Variants in KIAA1549L observed in about 807,000 individuals in gnomAD.
KIAA1549L encodes the protein UPF0606 protein KIAA1549L.
KIAA1549L carries 88 observed loss-of-function variants against 160.7 expected under a neutral mutation model. The ratio of observed to expected loss-of-function variants is 0.55; its 90% CI spans 0.46 to 0.65. KIAA1549L has a LOEUF of 0.65. Among genes scored for constraint, KIAA1549L ranks in the 30% least tolerant of loss-of-function variants. The pLI is 0.00. For synonymous variants in KIAA1549L, 950 were observed against 976.7 expected (o/e 0.97, Z 0.51); for missense variants, 2,258 against 2,437.5 (o/e 0.93, Z 1.55).
At chr11:33,618,349 GA>G (rs58112331) in intron 15 of KIAA1549L, among the ~76,000 whole-genome samples, 183 bp from the exon 16 acceptor site, 15,362 of 148,144 alleles carry the variant, frequency 0.1, 1,427 homozygotes, top group African/African-American at 0.24. Flanking sequence ...ACAGCATCTG[GA>G]AAAAAAAAAA....
Position 33,544,110 on chromosome 11 carries a change from A to G in KIAA1549L, c.2547A>G (p.Pro849=), listed in dbSNP as rs1203153579. The part of the protein sequence containing the change: ...QPAHPLLLTS[P]GPTSTGSLQE... ...CACATCCTCTTTTGCTAACCTCACCAGGACCAACTTCTACAGGTAGCTTGC... is the reference window on the plus strand; with the variant it reads ...CACATCCTCTTTTGCTAACCTCACCGGGACCAACTTCTACAGGTAGCTTGC... The change falls in exon 2 of 21, where the codon CCA becomes CCG. Residue 849 remains proline, a synonymous_variant. Transcript: ENST00000658780. 1 of 1,614,002 alleles carries G rather than the reference A, an allele frequency of 6.2e-7. No homozygotes were observed. The highest frequency in any genetic ancestry group is 1.3e-5 in the African/African-American group (1 of 75,034).
intron 1 of KIAA1549L, among the ~76,000 whole-genome samples, chr11:33,442,213 C>A (rs1266998129): frequency 6.6e-6 from 1 of 152,138 alleles, no homozygotes; most frequent in African/African-American, 2.4e-5. Context: ...TCAGGTTTGT[C>A]AAAGGTCAGA....
Position 33,592,119 on chromosome 11 carries a change from G to A in KIAA1549L, c.4751+698G>A, listed in dbSNP as rs181552762. ...TCTAAAAAGAGTGGGGAGAGAAAAG[G>A]GACAGGTTTGTTCTCTAAATGGTGA... On this transcript the variant is annotated intron_variant, in intron 12 of 20. Coordinates refer to ENST00000658780, the MANE Select transcript of KIAA1549L (RefSeq NM_012194.3). Among the ~76,000 whole-genome samples, 771 of 152,322 alleles carry A rather than the reference G, an allele frequency of 5.1e-3. 3 individuals are homozygous for A. Among genetic ancestry groups the A allele is most frequent in the African/African-American group, 0.018 (749 of 41,564 alleles).
intron 14 of KIAA1549L, among the ~76,000 whole-genome samples, chr11:33,607,674 G>A (rs16924480): frequency 0.035 from 5,320 of 152,222 alleles, 324 homozygotes; most frequent in African/African-American, 0.12. Context: ...ACCTGCAAGA[G>A]GTGGGAGATT....
At chr11:33,508,023 T>C (rs999281398) in intron 1 of KIAA1549L, among the ~76,000 whole-genome samples, 1 of 152,210 alleles carries the variant, frequency 6.6e-6, no homozygotes, top group African/African-American at 2.4e-5. Context: ...CTCTGCATAA[T>C]CATGAGGCTG....
intron 11 of KIAA1549L, among the ~76,000 whole-genome samples, chr11:33,588,497 G>A (rs976495628): frequency 6.6e-6 from 1 of 152,110 alleles, no homozygotes; most frequent in Non-Finnish European, 1.5e-5. Context: ...GGGGAGGCCT[G>A]GAAAGGAGCT....
chr11:33,447,695 A>G (rs1565141431), intron 1 of KIAA1549L, among the ~76,000 whole-genome samples: 1 of 151,744 alleles, frequency 6.6e-6, no homozygotes, highest in Non-Finnish European at 1.5e-5. Flanking sequence ...ATTAATTACT[A>G]CCTGGCATTA....
Position 33,574,743 on chromosome 11 carries a change from G to T in KIAA1549L, c.4272G>T (p.Ala1424=). The T allele has an allele frequency of 6.2e-7, 1 of 1,613,754 alleles. No homozygotes were observed. Among genetic ancestry groups the T allele is most frequent in the South Asian group, 1.1e-5 (1 of 91,034 alleles). The change falls in exon 10 of 21, where the codon GCG becomes GCT. Residue 1424 remains alanine (A), a synonymous_variant. Transcript: ENST00000658780. ...GTGTCCCAGGCCCGAAGGACCCAGCGGAGCTGACTTACTATACCCTGTACA... is the reference window on the plus strand; with the variant it reads ...GTGTCCCAGGCCCGAAGGACCCAGCTGAGCTGACTTACTATACCCTGTACA... The part of the protein sequence containing the change: ...MQRVPGPKDP[A]ELTYYTLYNG...
chr11:33,388,808 C>T (rs1215982259), intron 1 of KIAA1549L, among the ~76,000 whole-genome samples: 2 of 152,186 alleles, frequency 1.3e-5, no homozygotes, highest in African/African-American at 2.4e-5. Context: ...TCCCTGGCTT[C>T]CTTCTCTAGA....
At chr11:33,440,763 A>G (rs1851484963) in intron 1 of KIAA1549L, among the ~76,000 whole-genome samples, 2 of 152,168 alleles carry the variant, frequency 1.3e-5, no homozygotes, top group African/African-American at 4.8e-5. Context: ...TTTTCTGAGC[A>G]TATCCCTTAA....
rs71034691 is a variant in KIAA1549L at position 33,462,772 on chromosome 11, ATT to A, written c.239-79019_239-79018del. Among the ~76,000 whole-genome samples the A allele has an allele frequency of 2.4e-3, 356 of 146,610 alleles. 3 individuals are homozygous for A. Among genetic ancestry groups the A allele is most frequent in the African/African-American group, 8.5e-3 (339 of 39,924 alleles). On this transcript the variant is annotated intron_variant, in intron 1 of 20. Coordinates refer to ENST00000658780, the MANE Select transcript of KIAA1549L (RefSeq NM_012194.3). ...ATGTTTCCTTGATTCTTAGCTGCAC[ATT>A]TTTTTTTTTTATTTTAACATCTCCG... is the stretch of plus-strand genomic sequence containing the variant.
chr11:33,413,130 G>A (rs1367693590), intron 1 of KIAA1549L, among the ~76,000 whole-genome samples: 1 of 152,146 alleles, frequency 6.6e-6, no homozygotes, highest in Admixed American at 6.5e-5. Context: ...GGGAAATGCT[G>A]CATCAGATAC....
chr11:33,446,067 A>G (rs1172396630), intron 1 of KIAA1549L, among the ~76,000 whole-genome samples: 2 of 149,308 alleles, frequency 1.3e-5, no homozygotes, highest in East Asian at 2.0e-4. Flanking sequence ...GGTATTAGGG[A>G]TTGTGGACAT....
chr11:33,566,485 C>CT (rs1855053368), intron 8 of KIAA1549L, among the ~76,000 whole-genome samples: 1 of 152,160 alleles, frequency 6.6e-6, no homozygotes, highest in Non-Finnish European at 1.5e-5. Context: ...CAGCACAACT[C>CT]TTTGTTTTAT....
intron 16 of KIAA1549L, among the ~76,000 whole-genome samples, chr11:33,637,558 G>C (rs1164348325): frequency 6.6e-6 from 1 of 152,186 alleles, no homozygotes; most frequent in African/African-American, 2.4e-5. Flanking sequence ...CAGACTGGGT[G>C]GTATGGCTTA....
At chr11:33,659,725 C>T (rs1321015) in intron 19 of KIAA1549L, among the ~76,000 whole-genome samples, 42,669 of 152,154 alleles carry the variant, frequency 0.28, 6,101 homozygotes, top group South Asian at 0.37. Flanking sequence ...AAAATACACA[C>T]TCTCCTGGGA....
chr11:33,432,103 C>T (rs1851260909), intron 1 of KIAA1549L, among the ~76,000 whole-genome samples: 2 of 152,244 alleles, frequency 1.3e-5, no homozygotes, highest in Non-Finnish European at 2.9e-5. Context: ...TGCACGCAGT[C>T]CCGGTTCCCG....
At chr11:33,409,865 A>G (rs980161132) in intron 1 of KIAA1549L, among the ~76,000 whole-genome samples, 2 of 151,776 alleles carry the variant, frequency 1.3e-5, no homozygotes, top group African/African-American at 2.4e-5. Flanking sequence ...GGAAAACTCA[A>G]TACAATATAA....
chr11:33,481,672 A>G (rs1852413983), intron 1 of KIAA1549L, among the ~76,000 whole-genome samples: 1 of 152,206 alleles, frequency 6.6e-6, no homozygotes, highest in South Asian at 2.1e-4. Flanking sequence ...CTGCAGCTTT[A>G]TAATTTGCAG....
Sources: allele counts gnomAD v4.1 joint callset (sites outside exome capture counted in the v4.1 genomes callset), GRCh38; gene constraint gnomAD v4.1.1; transcripts MANE v1.5; gene names NCBI Gene and HGNC (gene_info 2026-07-23, HGNC 2026-07-21).